IGF2BP2: variants seen among roughly 807,000 people sequenced by gnomAD.
IGF2BP2 encodes the protein insulin-like growth factor 2 mRNA-binding protein 2.
A neutral mutation model predicts 75.8 loss-of-function variants in IGF2BP2; 17 were observed. The ratio of observed to expected loss-of-function variants is 0.22; its 90% CI spans 0.15 to 0.34. The LOEUF is 0.34. Among genes scored for constraint, IGF2BP2 ranks in the 10% least tolerant of loss-of-function variants. The pLI, the probability that IGF2BP2 is intolerant of heterozygous loss-of-function variation, is 1.00. For synonymous variants in IGF2BP2, 288 were observed against 295.6 expected (o/e 0.97, Z 0.26); for missense variants, 516 against 772.4 (o/e 0.67, Z 3.93).
intron 2 of IGF2BP2, among the ~76,000 whole-genome samples, chr3:185,767,117 G>A (rs1187993248): frequency 1.3e-5 from 2 of 152,092 alleles, no homozygotes; most frequent in African/African-American, 4.8e-5. Context: ...GGCAGTTGTG[G>A]GAGAAGCTTC....
intron 2 of IGF2BP2, among the ~76,000 whole-genome samples, chr3:185,737,418 A>G (rs1728998793): frequency 6.6e-6 from 1 of 152,214 alleles, no homozygotes; most frequent in African/African-American, 2.4e-5. Context: ...ATCTGCTCCA[A>G]GCCTCAGTTT....
At chr3:185,718,313 G>C (rs1171207482) in intron 2 of IGF2BP2, 1 of 152,280 alleles carries the variant, frequency 6.6e-6, no homozygotes, top group Non-Finnish European at 1.5e-5. Flanking sequence ...TGGACTAGTG[G>C]GGCAGATAGT....
intron 4 of IGF2BP2, among the ~76,000 whole-genome samples, chr3:185,696,072 C>A (rs1722536528): frequency 1.3e-5 from 2 of 152,174 alleles, no homozygotes; most frequent in African/African-American, 4.8e-5. Flanking sequence ...CAGGTATGAG[C>A]CACCACACCT....
chr3:185,659,540 A>C (rs1401583438), intron 10 of IGF2BP2, among the ~76,000 whole-genome samples: 2 of 151,124 alleles, frequency 1.3e-5, no homozygotes, highest in Non-Finnish European at 2.9e-5. Context: ...ACGCCTGGTT[A>C]ATTTTTTGTA....
intron 2 of IGF2BP2, among the ~76,000 whole-genome samples, chr3:185,756,121 C>G (rs1422038929): frequency 6.6e-6 from 1 of 152,128 alleles, no homozygotes; most frequent in South Asian, 2.1e-4. Context: ...TAGTGCCATA[C>G]CCTTACTGAA....
At chr3:185,699,314 A>G (rs1722987281) in intron 2 of IGF2BP2, among the ~76,000 whole-genome samples, 1 of 152,142 alleles carries the variant, frequency 6.6e-6, no homozygotes, top group Non-Finnish European at 1.5e-5. Context: ...TTCTTCCTCA[A>G]AATATATTGG....
intron 13 of IGF2BP2, 127 bp downstream of exon 13, chr3:185,651,967 G>A (rs1714677137): frequency 3.1e-6 from 2 of 640,244 alleles, no homozygotes; most frequent in Non-Finnish European, 5.2e-6. Context: ...GGGTGAGCCT[G>A]AGCTTGGTGG....
At chr3:185,810,099 C>G (rs1739596774) in intron 2 of IGF2BP2, among the ~76,000 whole-genome samples, 1 of 152,218 alleles carries the variant, frequency 6.6e-6, no homozygotes, top group Non-Finnish European at 1.5e-5. Context: ...CCTAAGTTTT[C>G]TAAGACATGC....
chr3:185,692,944 C>T (rs1365081199), intron 4 of IGF2BP2, among the ~76,000 whole-genome samples, 182 bp from the exon 5 acceptor site: 2 of 152,200 alleles, frequency 1.3e-5, no homozygotes, highest in Non-Finnish European at 2.9e-5. Context: ...TTGTATATAA[C>T]ACGTTTGTAA....
chr3:185,686,257 G>A (rs1036648366), intron 7 of IGF2BP2, among the ~76,000 whole-genome samples: 6 of 152,028 alleles, frequency 3.9e-5, no homozygotes, highest in Admixed American at 2.0e-4. Flanking sequence ...GGTGGCGCAC[G>A]CCTGTAATCC....
chr3:185,802,141 T>C (rs914010354), intron 2 of IGF2BP2, among the ~76,000 whole-genome samples: 1 of 151,826 alleles, frequency 6.6e-6, no homozygotes, highest in African/African-American at 2.4e-5. Context: ...GTAACAAACC[T>C]GCATGTTCTG....
chr3:185,753,595 T>C (rs575717183), intron 2 of IGF2BP2, among the ~76,000 whole-genome samples: 6 of 152,318 alleles, frequency 3.9e-5, no homozygotes, highest in African/African-American at 9.6e-5. Context: ...TGCGGCTAAG[T>C]AGACATTTCC....
At chr3:185,715,372 T>A (rs750766870) in intron 2 of IGF2BP2, among the ~76,000 whole-genome samples, 5 of 152,094 alleles carry the variant, frequency 3.3e-5, no homozygotes, top group Non-Finnish European at 5.9e-5. Context: ...ACGAGGGTGA[T>A]AAACCTTTCA....
At chr3:185,726,159 C>T (rs996686701) in intron 2 of IGF2BP2, among the ~76,000 whole-genome samples, 3 of 151,890 alleles carry the variant, frequency 2.0e-5, no homozygotes, top group Non-Finnish European at 4.4e-5. Context: ...TGGAAAGGTG[C>T]GATCATCATT....
chr3:185,689,967 C>CAA (rs5855070), intron 5 of IGF2BP2, among the ~76,000 whole-genome samples: 1 of 118,216 alleles, frequency 8.5e-6, no homozygotes, highest in Non-Finnish European at 1.8e-5. Flanking sequence ...GACTCCGTCT[C>CAA]AAAAAAAAAA....
chr3:185,775,022 A>G (rs1265536755), intron 2 of IGF2BP2, among the ~76,000 whole-genome samples: 1 of 152,090 alleles, frequency 6.6e-6, no homozygotes, highest in East Asian at 1.9e-4. Context: ...TCCGTCTAAA[A>G]AGAAAAAAAA....
intron 2 of IGF2BP2, among the ~76,000 whole-genome samples, chr3:185,809,804 G>A (rs1291185849): frequency 6.6e-6 from 1 of 152,062 alleles, no homozygotes; most frequent in Non-Finnish European, 1.5e-5. Context: ...AATTTTTATT[G>A]ATATTACAGC....
intron 2 of IGF2BP2, chr3:185,713,192 T>TAAACCACCA (rs1255033302): frequency 5.7e-6 from 2 of 347,980 alleles, no homozygotes; most frequent in Admixed American, 3.8e-5. Context: ...ACCACTGTCA[T>TAAACCACCA]AAACCACCAG....
intron 2 of IGF2BP2, among the ~76,000 whole-genome samples, chr3:185,810,322 G>A (rs977772474): frequency 6.6e-6 from 1 of 152,202 alleles, no homozygotes; most frequent in African/African-American, 2.4e-5. Flanking sequence ...AACAGAAGCA[G>A]AGTCCATATG....
Sources: gnomAD v4.1 joint callset for allele counts (sites outside exome capture counted in the v4.1 genomes callset) on GRCh38, gnomAD v4.1.1 for gene constraint, MANE v1.5 for transcripts, NCBI Gene and HGNC (gene_info 2026-07-23, HGNC 2026-07-21) for gene names.